The following CASK variants were observed in gnomAD, a reference collection of about 807,000 sequenced individuals.
CASK encodes calcium/calmodulin dependent serine protein kinase.
A neutral mutation model predicts 82.9 loss-of-function variants in CASK; 4 were observed. The observed-to-expected ratio is 0.05, with a 90% CI of 0.02 to 0.11. The LOEUF is 0.11. CASK is among the 10% of genes least tolerant of loss of function. The probability of loss-of-function intolerance (pLI) is 1.00; values close to 1 mark genes in which losing one functional copy is unlikely to be tolerated. For synonymous variants in CASK, 259 were observed against 253.5 expected, an observed-to-expected ratio of 1.02 and a Z score of -0.20; for missense variants, 358 against 720.9, an observed-to-expected ratio of 0.50 and a Z score of 5.76.
intron 1 of CASK, among the ~76,000 whole-genome samples, chrX:41,865,760 A>C (rs2071580173): frequency 9.0e-6 from 1 of 111,289 alleles, no homozygotes; most frequent in Non-Finnish European, 1.9e-5. Flanking sequence ...ATGACAGTTT[A>C]GTTTTCTGAG....
chrX:41,749,834 T>C (rs2068758151), intron 3 of CASK, among the ~76,000 whole-genome samples: 1 of 112,202 alleles, frequency 8.9e-6, no homozygotes, highest in Non-Finnish European at 1.9e-5. Context: ...TTCTCATCAA[T>C]GAACATGATA....
At chrX:41,761,081 C>G (rs142587397) in intron 3 of CASK, among the ~76,000 whole-genome samples, 2 of 111,668 alleles carry the variant, frequency 1.8e-5, no homozygotes, top group East Asian at 5.6e-4. Context: ...AATAAGTTCT[C>G]CTTCTTGCTC....
chrX:41,555,012 C>T (rs2065143285), intron 20 of CASK, among the ~76,000 whole-genome samples: 2 of 112,501 alleles, frequency 1.8e-5, no homozygotes, highest in Non-Finnish European at 3.8e-5. Flanking sequence ...TCTGCATTTG[C>T]ATTTAAAATC....
intron 5 of CASK, among the ~76,000 whole-genome samples, chrX:41,683,722 C>G (rs959746092): frequency 3.6e-5 from 4 of 111,819 alleles, no homozygotes; most frequent in Non-Finnish European, 1.9e-5. Context: ...GGGATTAGTA[C>G]CCCAATCCCC....
chrX:41,922,874 G>A, intron 1 of CASK, 56 bp downstream of exon 1: 1 of 1,103,110 alleles, frequency 9.1e-7, no homozygotes, highest in Non-Finnish European at 1.3e-6. Flanking sequence ...CGGGAAGACC[G>A]GGGCATCACT....
At chrX:41,756,495 A>T (rs1291825668) in intron 3 of CASK, among the ~76,000 whole-genome samples, 1 of 112,514 alleles carries the variant, frequency 8.9e-6, no homozygotes, top group Non-Finnish European at 1.9e-5. Flanking sequence ...AGCTACACAA[A>T]GGAATATGGC....
chrX:41,644,145 G>A (rs2066712337), intron 8 of CASK, among the ~76,000 whole-genome samples: 1 of 111,573 alleles, frequency 9.0e-6, no homozygotes, highest in Non-Finnish European at 1.9e-5. Context: ...TGGTGGATAA[G>A]CTTTTTGATG....
intron 6 of CASK, among the ~76,000 whole-genome samples, chrX:41,668,245 G>T (rs927960041): frequency 9.0e-6 from 1 of 111,723 alleles, no homozygotes. Context: ...AAGGAATAGG[G>T]CTATCCAACT....
chrX:41,780,919 G>A (rs2069462906), intron 3 of CASK, among the ~76,000 whole-genome samples: 1 of 111,369 alleles, frequency 9.0e-6, no homozygotes, highest in South Asian at 3.8e-4. Flanking sequence ...AAACTGCTGG[G>A]ATTACAGGTG....
intron 1 of CASK, among the ~76,000 whole-genome samples, chrX:41,885,229 C>T (rs777428894): frequency 6.3e-5 from 7 of 111,895 alleles, no homozygotes; most frequent in African/African-American, 2.3e-4. Flanking sequence ...GTCTCAACTC[C>T]AAGTCTCAAC....
intron 6 of CASK, among the ~76,000 whole-genome samples, chrX:41,670,061 A>G (rs546338794): frequency 5.3e-5 from 6 of 112,515 alleles, no homozygotes; most frequent in African/African-American, 1.9e-4. Flanking sequence ...GAGCTTTTTA[A>G]TACTTAAGGA....
chrX:41,678,360 C>T (rs1208276832), intron 5 of CASK, among the ~76,000 whole-genome samples: 1 of 104,711 alleles, frequency 9.6e-6, no homozygotes, highest in Non-Finnish European at 2.0e-5. Context: ...GTAATTTTTC[C>T]TGTGAAATCC....
At chrX:41,734,368 G>C (rs2068461811) in intron 5 of CASK, among the ~76,000 whole-genome samples, 2 of 111,341 alleles carry the variant, frequency 1.8e-5, no homozygotes, top group Admixed American at 9.5e-5. Flanking sequence ...CAAACTCTCA[G>C]TGCTTAGTAG....
intron 5 of CASK, among the ~76,000 whole-genome samples, chrX:41,691,089 A>G (rs1031268465): frequency 8.9e-6 from 1 of 112,613 alleles, no homozygotes; most frequent in Admixed American, 9.4e-5. Context: ...TAAACTGAAG[A>G]CTAAAGCAAA....
At chrX:41,613,185 G>A (rs1286228333) in intron 11 of CASK, among the ~76,000 whole-genome samples, 3 of 111,258 alleles carry the variant, frequency 2.7e-5, no homozygotes, top group Admixed American at 9.4e-5. Context: ...TTTGTGGAAT[G>A]GAAAGGGGGG....
At chrX:41,521,181 G>A (rs759413427) in intron 26 of CASK, among the ~76,000 whole-genome samples, 6 of 112,504 alleles carry the variant, frequency 5.3e-5, no homozygotes, top group Non-Finnish European at 9.4e-5. Flanking sequence ...ACACGTTCTA[G>A]GAATTCAATT....
intron 5 of CASK, among the ~76,000 whole-genome samples, chrX:41,687,301 C>T (rs73193122): frequency 0.077 from 8,585 of 111,528 alleles, 420 homozygotes; most frequent in East Asian, 0.28. Flanking sequence ...TGGAAGCAAC[C>T]CAAAAATCCA....
At chrX:41,562,939 T>C (rs1249287721) in intron 16 of CASK, 1 of 97,266 alleles carries the variant, frequency 1.0e-5, no homozygotes, top group Admixed American at 1.3e-4. Context: ...GCACCTGTAA[T>C]CCCCGCTACT....
intron 1 of CASK, among the ~76,000 whole-genome samples, chrX:41,874,237 A>G (rs987832855): frequency 1.8e-5 from 2 of 111,880 alleles, no homozygotes; most frequent in South Asian, 3.7e-4. Flanking sequence ...TTAGCTACAT[A>G]GGTAAACGTG....
Sources: gnomAD v4.1 joint callset for allele counts (sites outside exome capture counted in the v4.1 genomes callset) on GRCh38, gnomAD v4.1.1 for gene constraint, MANE v1.5 for transcripts, NCBI Gene and HGNC (gene_info 2026-07-23, HGNC 2026-07-21) for gene names.